Variants in SV2C observed in about 807,000 individuals in gnomAD.
SV2C encodes synaptic vesicle glycoprotein 2C, also known as solute carrier family 22 member B3.
SV2C carries 49 observed loss-of-function variants against 79.7 expected under a neutral mutation model. The ratio of observed to expected loss-of-function variants is 0.61; its 90% CI spans 0.49 to 0.78. The LOEUF is 0.78. SV2C is among the 30% of genes least tolerant of loss of function. The pLI is 0.00. For synonymous variants in SV2C, 334 were observed against 333.2 expected (o/e 1.00, Z -0.03); for missense variants, 833 against 912.9 (o/e 0.91, Z 1.13).
the SV2C span, among the ~76,000 whole-genome samples, chr5:75,885,200 G>T: frequency 1.3e-5 from 2 of 152,130 alleles, no homozygotes; most frequent in Admixed American, 1.3e-4. Flanking sequence ...CCTAATTAGA[G>T]TCCAGGGATG....
chr5:76,228,693 G>A (rs1745324259), intron 4 of SV2C, among the ~76,000 whole-genome samples: 1 of 152,136 alleles, frequency 6.6e-6, no homozygotes, highest in South Asian at 2.1e-4. Context: ...GTAGCATCCT[G>A]TACTAATGTT....
At chr5:76,273,684 G>A (rs180879743) in intron 4 of SV2C, among the ~76,000 whole-genome samples, 9 of 152,240 alleles carry the variant, frequency 5.9e-5, no homozygotes, top group East Asian at 1.9e-4. Flanking sequence ...AGAAAAACTC[G>A]CAGGAAAGGT....
chr5:76,326,862 G>C lies in SV2C; in HGVS notation c.*1315G>C, dbSNP rs1011488023. On this transcript the variant is annotated 3_prime_UTR_variant, in exon 13 of 13. Coordinates refer to ENST00000502798, the MANE Select transcript of SV2C (RefSeq NM_014979.4). Reference sequence around the variant, plus strand: ...CCGCTGTCAGCTACATGACCTTCTCGCCTCTCAGGCTCCCCTTCCCCCAGG... The same window carrying C: ...CCGCTGTCAGCTACATGACCTTCTCCCCTCTCAGGCTCCCCTTCCCCCAGG... 1 of 152,218 alleles carries C rather than the reference G, an allele frequency of 6.6e-6. No homozygotes were observed. The highest frequency in any genetic ancestry group is 2.1e-4 in the South Asian group (1 of 4,834). The allele number at this position is 152,218 out of a possible 1,614,324, so 9.4% of individuals were successfully genotyped here.
At chr5:76,302,821 T>C (rs1238995687) in intron 12 of SV2C, among the ~76,000 whole-genome samples, 2 of 151,858 alleles carry the variant, frequency 1.3e-5, no homozygotes, top group Non-Finnish European at 2.9e-5. Context: ...ACTCCTGTGC[T>C]ATGTTGCCAT....
chr5:76,245,720 C>T (rs373943558), intron 4 of SV2C, among the ~76,000 whole-genome samples: 5 of 151,962 alleles, frequency 3.3e-5, no homozygotes, highest in Admixed American at 6.6e-5. Flanking sequence ...AAATTGGGAG[C>T]GAATTGCAGC....
intron 2 of SV2C, among the ~76,000 whole-genome samples, chr5:76,168,318 A>T (rs1743104688): frequency 6.6e-6 from 1 of 151,960 alleles, no homozygotes; most frequent in Non-Finnish European, 1.5e-5. Flanking sequence ...AATGCTCGCT[A>T]CTTTAGCTGA....
chr5:75,977,659 G>C, the SV2C span, among the ~76,000 whole-genome samples: 2 of 152,160 alleles, frequency 1.3e-5, no homozygotes, highest in Non-Finnish European at 2.9e-5. Context: ...GCCTCACTCA[G>C]AACAAAGAAC....
At chr5:76,286,810 A>C (rs188266287) in intron 6 of SV2C, 1 of 152,242 alleles carries the variant, frequency 6.6e-6, no homozygotes, top group African/African-American at 2.4e-5. Flanking sequence ...AATGCTGAGC[A>C]AAAGGGAGAA....
the SV2C span, among the ~76,000 whole-genome samples, chr5:75,937,854 T>A: frequency 6.7e-6 from 1 of 149,682 alleles, no homozygotes; most frequent in Non-Finnish European, 1.5e-5. Flanking sequence ...TATGTTCAAT[T>A]TAAATTTCAC....
the SV2C span, among the ~76,000 whole-genome samples, chr5:75,922,609 A>C: frequency 6.6e-6 from 1 of 152,236 alleles, no homozygotes; most frequent in Non-Finnish European, 1.5e-5. Flanking sequence ...CTGGGAATAA[A>C]AGAAGACTGT....
chr5:75,925,927 T>C, the SV2C span, among the ~76,000 whole-genome samples: 2 of 152,028 alleles, frequency 1.3e-5, no homozygotes, highest in South Asian at 4.2e-4. Context: ...ATCACTTGGG[T>C]TTCGTTGGAC....
At chr5:75,995,904 C>T in the SV2C span, among the ~76,000 whole-genome samples, 2 of 151,986 alleles carry the variant, frequency 1.3e-5, no homozygotes, top group African/African-American at 2.4e-5. Flanking sequence ...CTTGAGCCCA[C>T]AACATAACTA....
the SV2C span, among the ~76,000 whole-genome samples, chr5:76,001,500 G>C: frequency 2.6e-5 from 4 of 151,978 alleles, no homozygotes; most frequent in African/African-American, 9.7e-5. Context: ...TACTCAGAAG[G>C]CTGAGGCAGG....
At chr5:75,855,599 TTTA>T in the SV2C span, among the ~76,000 whole-genome samples, 4 of 152,100 alleles carry the variant, frequency 2.6e-5, no homozygotes, top group East Asian at 1.9e-4. Flanking sequence ...TATTTCAAAC[TTTA>T]TTATTATTAT....
chr5:76,206,535 G>A (rs1561263967), intron 3 of SV2C, among the ~76,000 whole-genome samples: 1 of 152,292 alleles, frequency 6.6e-6, no homozygotes, highest in Non-Finnish European at 1.5e-5. Context: ...GGTCATATTG[G>A]TTCAGAAAGT....
chr5:76,000,584 C>T, the SV2C span, among the ~76,000 whole-genome samples: 1 of 152,310 alleles, frequency 6.6e-6, no homozygotes, highest in African/African-American at 2.4e-5. Flanking sequence ...CCACACTTAA[C>T]CGCACCAAAA....
chr5:75,869,313 C>T, the SV2C span, among the ~76,000 whole-genome samples: 1 of 152,162 alleles, frequency 6.6e-6, no homozygotes, highest in Non-Finnish European at 1.5e-5. Flanking sequence ...CAGCATTCAC[C>T]ATAAGCTAAC....
chr5:75,999,436 A>G, the SV2C span, among the ~76,000 whole-genome samples: 5 of 151,282 alleles, frequency 3.3e-5, no homozygotes, highest in African/African-American at 1.2e-4. Context: ...TAGCTCCCAC[A>G]GTTATGGACA....
At chr5:75,892,995 T>C in the SV2C span, among the ~76,000 whole-genome samples, 362 of 152,172 alleles carry the variant, frequency 2.4e-3, 2 homozygotes, top group African/African-American at 8.6e-3. Flanking sequence ...TTGATAAATC[T>C]CCAAACTGCT....
Sources: gnomAD v4.1 joint callset for allele counts (sites outside exome capture counted in the v4.1 genomes callset) on GRCh38, gnomAD v4.1.1 for gene constraint, MANE v1.5 for transcripts, NCBI Gene and HGNC (gene_info 2026-07-23, HGNC 2026-07-21) for gene names.